The following SNTG1 variants were observed in gnomAD, a reference collection of about 807,000 sequenced individuals.
The protein encoded by SNTG1 is syntrophin gamma 1.
SNTG1 carries 39 observed loss-of-function variants against 74.7 expected under a neutral mutation model. The observed-to-expected ratio is 0.52, with a 90% CI of 0.40 to 0.68. The LOEUF is 0.68. SNTG1 is among the 30% of genes least tolerant of loss of function. The pLI is 0.00. For synonymous variants in SNTG1, 254 were observed against 217.1 expected (o/e 1.17, Z -1.49); for missense variants, 685 against 609.5 (o/e 1.12, Z -1.30).
chr8:50,267,740 C>CA (rs1348410417), intron 2 of SNTG1, among the ~76,000 whole-genome samples: 11 of 152,038 alleles, frequency 7.2e-5, no homozygotes, highest in South Asian at 2.1e-4. Context: ...GCACATTTGA[C>CA]AAAAAAATTC....
chr8:50,561,579 A>G (rs959819405), intron 12 of SNTG1, among the ~76,000 whole-genome samples: 5 of 152,214 alleles, frequency 3.3e-5, no homozygotes, highest in Admixed American at 3.3e-4. Flanking sequence ...AACAAATGCA[A>G]ACATCATGTC....
intron 1 of SNTG1, among the ~76,000 whole-genome samples, chr8:50,102,483 CA>C (rs1272533680): frequency 6.9e-6 from 1 of 144,678 alleles, no homozygotes; most frequent in African/African-American, 2.6e-5. Flanking sequence ...GAGTAGGTTG[CA>C]AAAATTTTCT....
intron 2 of SNTG1, among the ~76,000 whole-genome samples, chr8:50,180,327 G>C (rs1201444841): frequency 6.6e-6 from 1 of 152,122 alleles, no homozygotes; most frequent in Non-Finnish European, 1.5e-5. Context: ...AGTTATATAG[G>C]ATGAATTAGT....
intron 2 of SNTG1, among the ~76,000 whole-genome samples, chr8:50,237,010 A>AGT (rs2085938272): frequency 6.6e-6 from 1 of 152,246 alleles, no homozygotes. Context: ...ACAAACAAGT[A>AGT]CTTAGTATTT....
chr8:50,625,182 C>A (rs2094948600), intron 13 of SNTG1, among the ~76,000 whole-genome samples: 1 of 152,198 alleles, frequency 6.6e-6, no homozygotes, highest in Non-Finnish European at 1.5e-5. Context: ...AGGTAAGACC[C>A]TACAGCACAT....
intron 15 of SNTG1, among the ~76,000 whole-genome samples, chr8:50,675,485 C>A (rs776322171): frequency 2.6e-5 from 4 of 151,704 alleles, no homozygotes; most frequent in Non-Finnish European, 2.9e-5. Context: ...ATTGCAACCC[C>A]TACTTTTTTT....
intron 12 of SNTG1, among the ~76,000 whole-genome samples, chr8:50,585,260 G>A (rs1210637353): frequency 6.6e-6 from 1 of 152,124 alleles, no homozygotes; most frequent in Non-Finnish European, 1.5e-5. Context: ...GCTCTTGCTG[G>A]TTTTGTAGAG....
At chr8:49,952,650 C>T (rs1809825542) in intron 1 of SNTG1, among the ~76,000 whole-genome samples, 1 of 152,174 alleles carries the variant, frequency 6.6e-6, no homozygotes, top group Admixed American at 6.5e-5. Flanking sequence ...AAGTATCTGA[C>T]TTGGGATGAG....
At position 50,792,951 on chromosome 8, in the gene SNTG1, C is replaced by T. The variant is rs572572574; in HGVS notation, c.*122C>T. On this transcript the variant is annotated 3_prime_UTR_variant, in exon 19 of 19. Transcript: ENST00000642720. ...CGACAGTGGAGGCAAATCAAAATTT[C>T]GGCAGAAAAAGAAGGTCATGTGGAA... 15 of 1,169,236 alleles carry T rather than the reference C, an allele frequency of 1.3e-5. No individual in the cohort carries two copies. The highest frequency in any genetic ancestry group is 2.1e-4 in the Middle Eastern group (1 of 4,766). 72.4% of individuals were successfully genotyped at this position (1,169,236 alleles called of 1,614,324 possible).
intron 1 of SNTG1, among the ~76,000 whole-genome samples, chr8:50,055,554 C>A (rs16914226): frequency 6.6e-6 from 1 of 152,114 alleles, no homozygotes; most frequent in Non-Finnish European, 1.5e-5. Context: ...CCTGTGTGGG[C>A]GAGTTTATTA....
intron 17 of SNTG1, among the ~76,000 whole-genome samples, chr8:50,748,920 G>C (rs2095561080): frequency 6.6e-6 from 1 of 151,940 alleles, no homozygotes; most frequent in African/African-American, 2.4e-5. Flanking sequence ...TGAAAATCAA[G>C]CTAATTAATA....
intron 2 of SNTG1, among the ~76,000 whole-genome samples, chr8:50,302,854 T>C (rs988017679): frequency 2.0e-5 from 3 of 152,186 alleles, no homozygotes; most frequent in Non-Finnish European, 4.4e-5. Flanking sequence ...TAAATCACCC[T>C]ATATGCTTTT....
intron 1 of SNTG1, among the ~76,000 whole-genome samples, chr8:50,004,529 C>T (rs763510637): frequency 7.4e-4 from 112 of 152,292 alleles, no homozygotes; most frequent in Admixed American, 1.2e-3. Flanking sequence ...CTCTTAGTAA[C>T]TCCCCAACAC....
intron 12 of SNTG1, among the ~76,000 whole-genome samples, chr8:50,564,922 G>T (rs1295583954): frequency 1.3e-5 from 2 of 152,062 alleles, no homozygotes; most frequent in African/African-American, 4.8e-5. Flanking sequence ...GTTAAGAAGG[G>T]AAAGTGGAAA....
chr8:50,259,835 T>C (rs2087092436), intron 2 of SNTG1, among the ~76,000 whole-genome samples: 1 of 152,112 alleles, frequency 6.6e-6, no homozygotes, highest in African/African-American at 2.4e-5. Flanking sequence ...TGCAGATGAA[T>C]CACAATTTTT....
chr8:50,568,677 C>T (rs771652955), intron 12 of SNTG1, among the ~76,000 whole-genome samples: 3 of 151,920 alleles, frequency 2.0e-5, no homozygotes, highest in Non-Finnish European at 4.4e-5. Context: ...ATTTTTTAAT[C>T]TGATTTTTTT....
intron 2 of SNTG1, among the ~76,000 whole-genome samples, chr8:50,250,902 T>C (rs1370135704): frequency 3.3e-5 from 5 of 152,172 alleles, no homozygotes; most frequent in Admixed American, 2.0e-4. Flanking sequence ...AACTCAGCAG[T>C]ATAGGTAAAT....
At chr8:50,423,923 G>T (rs550676470) in intron 4 of SNTG1, among the ~76,000 whole-genome samples, 1 of 152,154 alleles carries the variant, frequency 6.6e-6, no homozygotes. Flanking sequence ...ATGATGAAAG[G>T]CTCAAGTATT....
At chr8:50,070,182 A>G (rs1821243702) in intron 1 of SNTG1, among the ~76,000 whole-genome samples, 2 of 152,210 alleles carry the variant, frequency 1.3e-5, no homozygotes, top group Admixed American at 6.5e-5. Context: ...GAACATGTTC[A>G]CTGGGGAATA....
Sources: allele counts gnomAD v4.1 joint callset (sites outside exome capture counted in the v4.1 genomes callset), GRCh38; gene constraint gnomAD v4.1.1; transcripts MANE v1.5; gene names NCBI Gene and HGNC (gene_info 2026-07-23, HGNC 2026-07-21).